CHLSN: variants seen among roughly 807,000 people sequenced by gnomAD.
CHLSN encodes cholesin.
the CHLSN span, among the ~76,000 whole-genome samples, chr7:1,075,015 G>C: frequency 6.6e-6 from 1 of 152,248 alleles, no homozygotes; most frequent in Non-Finnish European, 1.5e-5. Context: ...GACTGCAGAT[G>C]TGTGGGCCAT....
chr7:979,063 T>C, the CHLSN span, among the ~76,000 whole-genome samples: 10,784 of 152,274 alleles, frequency 0.071, 428 homozygotes, highest in Admixed American at 0.13. Context: ...ACAGGTGTCC[T>C]GGGGAACCAA....
chr7:983,420 G>A, the CHLSN span: 9 of 1,436,752 alleles, frequency 6.3e-6, no homozygotes, highest in South Asian at 2.8e-5. Flanking sequence ...CTTGCCGCTT[G>A]GACAGCTGCC....
At chr7:1,028,786 G>A in the CHLSN span, 2 of 864,656 alleles carry the variant, frequency 2.3e-6, no homozygotes, top group Non-Finnish European at 2.7e-6. Flanking sequence ...GCCGCCATCT[G>A]TCCCTATCGC....
At chr7:983,567 A>G in the CHLSN span, among the ~76,000 whole-genome samples, 1 of 152,274 alleles carries the variant, frequency 6.6e-6, no homozygotes, top group South Asian at 2.1e-4. Flanking sequence ...CCCGTCCCAC[A>G]GGGAAGCAGA....
chr7:1,130,807 G>A, the CHLSN span, among the ~76,000 whole-genome samples: 2 of 152,172 alleles, frequency 1.3e-5, no homozygotes, highest in Non-Finnish European at 2.9e-5. Flanking sequence ...GCTTCACCAC[G>A]GCCTCCAGCC....
At chr7:1,000,663 A>T in the CHLSN span, 53 of 809,930 alleles carry the variant, frequency 6.5e-5, no homozygotes, top group Middle Eastern at 5.2e-4. Flanking sequence ...CCCACCAGGT[A>T]CTACACACCA....
At chr7:1,061,068 C>A in the CHLSN span, among the ~76,000 whole-genome samples, 1 of 152,206 alleles carries the variant, frequency 6.6e-6, no homozygotes, top group Non-Finnish European at 1.5e-5. Flanking sequence ...GGACCCCACA[C>A]ACAGGTGAGG....
the CHLSN span, among the ~76,000 whole-genome samples, chr7:1,121,259 A>T: frequency 6.6e-6 from 1 of 152,062 alleles, no homozygotes; most frequent in Non-Finnish European, 1.5e-5. Context: ...GGCATGCAGC[A>T]GTCAGACAGG....
chr7:1,087,132 G>C, the CHLSN span: 4 of 152,278 alleles, frequency 2.6e-5, no homozygotes, highest in African/African-American at 7.2e-5. Context: ...CAGCGGCCCC[G>C]AGAGTCCGGG....
At chr7:1,051,319 C>T in the CHLSN span, among the ~76,000 whole-genome samples, 2 of 152,352 alleles carry the variant, frequency 1.3e-5, no homozygotes, top group East Asian at 3.9e-4. Flanking sequence ...CCAGCTCTGC[C>T]CCCTTTCTGC....
chr7:1,057,714 G>C, the CHLSN span: 4 of 776,038 alleles, frequency 5.2e-6, no homozygotes, highest in South Asian at 5.4e-5. Context: ...CGTGTACTTT[G>C]TCAACATGGC....
At chr7:1,051,663 T>A in the CHLSN span, among the ~76,000 whole-genome samples, 4 of 152,276 alleles carry the variant, frequency 2.6e-5, no homozygotes, top group South Asian at 8.3e-4. Context: ...CTGGCCCTTT[T>A]TATGAGAGTT....
At chr7:1,136,800 T>TC in the CHLSN span, among the ~76,000 whole-genome samples, 2 of 151,842 alleles carry the variant, frequency 1.3e-5, no homozygotes, top group Admixed American at 1.3e-4. Context: ...GTTCATCCTC[T>TC]CCATAAACAT....
chr7:1,109,785 G>A, the CHLSN span, among the ~76,000 whole-genome samples: 1 of 152,076 alleles, frequency 6.6e-6, no homozygotes, highest in Non-Finnish European at 1.5e-5. Context: ...GGGCAGCACA[G>A]CTTCCCGATT....
the CHLSN span, among the ~76,000 whole-genome samples, chr7:1,083,523 G>C: frequency 1.3e-5 from 2 of 152,064 alleles, no homozygotes; most frequent in Non-Finnish European, 2.9e-5. Context: ...AGCTACTCGG[G>C]AGGCTGAGGC....
the CHLSN span, among the ~76,000 whole-genome samples, chr7:1,016,475 G>A: frequency 8.3e-6 from 1 of 120,022 alleles, no homozygotes; most frequent in African/African-American, 3.3e-5. Context: ...GCACATAGCA[G>A]CACAGCAGCA....
the CHLSN span, among the ~76,000 whole-genome samples, chr7:1,053,805 C>T: frequency 1.3e-5 from 2 of 152,284 alleles, no homozygotes; most frequent in Admixed American, 6.5e-5. Flanking sequence ...CCAGCCTGGG[C>T]AACAGAGCGA....
At chr7:1,016,609 C>G in the CHLSN span, among the ~76,000 whole-genome samples, 2 of 143,662 alleles carry the variant, frequency 1.4e-5, no homozygotes, top group Admixed American at 6.9e-5. Context: ...CAGCGTACAG[C>G]AGCGCACGCC....
the CHLSN span, chr7:1,010,066 C>T: frequency 2.9e-5 from 47 of 1,612,556 alleles, 1 homozygote; most frequent in Non-Finnish European, 3.8e-5. Context: ...CCTTTTTCAG[C>T]TTCCTTTCCA....
Sources: allele counts gnomAD v4.1 joint callset (sites outside exome capture counted in the v4.1 genomes callset), GRCh38; gene constraint gnomAD v4.1.1; transcripts MANE v1.5; gene names NCBI Gene and HGNC (gene_info 2026-07-23, HGNC 2026-07-21).